ATP9B: variants seen among roughly 807,000 people sequenced by gnomAD.
ATP9B encodes ATPase phospholipid transporting 9B, also known as probable phospholipid-transporting ATPase IIB.
ATP9B carries 110 observed loss-of-function variants against 146.1 expected under a neutral mutation model. That is an observed-to-expected ratio of 0.75 (90% CI 0.65 to 0.88). ATP9B has a LOEUF of 0.88. ATP9B is among the 40% of genes least tolerant of loss of function. ATP9B has a pLI of 0.00. For synonymous variants in ATP9B, 604 were observed against 569.7 expected (o/e 1.06, Z -0.86); for missense variants, 1,499 against 1,496.4 (o/e 1.00, Z -0.03).
In ATP9B at chr18:79,180,545, G is replaced by GT. The variant is rs1006817114; in HGVS notation, c.873+3647dup. Among the ~76,000 whole-genome samples, 36 of 150,820 alleles carry GT rather than the reference G, an allele frequency of 2.4e-4. No homozygotes were observed. In the East Asian group the frequency reaches 4.9e-3, roughly 20 times the overall value. On this transcript the variant is annotated intron_variant, in intron 8 of 29. Coordinates refer to ENST00000426216, the MANE Select transcript of ATP9B (RefSeq NM_198531.5). ...ATTATCAGCTGCACCGTGCATTACTGTTTTTTTTTGTTCAAAGTTGTCAAG... is the reference window on the plus strand; with the variant it reads ...ATTATCAGCTGCACCGTGCATTACTGTTTTTTTTTTGTTCAAAGTTGTCAAG...
rs780684202 is a variant in ATP9B at position 79,337,266 on chromosome 18, CCT to C, written c.2113-10_2113-9del. On this transcript the variant is annotated splice_polypyrimidine_tract_variant and intron_variant, in intron 18 of 29. Transcript: ENST00000426216. ...ACACGTGTGCACACAGGCGCCTCCC[CCT>C]CTGTCCCCAGAGCCGATACACTCAA... 1.2e-6 allele frequency: 2 copies of C among 1,613,428 alleles called. No individual in the cohort carries two copies. The highest frequency in any genetic ancestry group is 1.1e-5 in the South Asian group (1 of 91,062).
intron 19 of ATP9B, among the ~76,000 whole-genome samples, chr18:79,341,955 C>T (rs2096861741): frequency 6.6e-6 from 1 of 152,230 alleles, no homozygotes; most frequent in Non-Finnish European, 1.5e-5. Flanking sequence ...CTAGTTCTTT[C>T]TCTGTGGATT....
rs376686029 is a variant in ATP9B, at chr18:79,377,338, G to A, written c.3399G>A (p.Leu1133=). The A allele has an allele frequency of 5.6e-4, 909 of 1,611,228 alleles. 1 individual carries two copies. The highest frequency in any genetic ancestry group is 7.4e-4 in the Non-Finnish European group (879 of 1,180,032). ...TCCCGCTGTATGTCCTCAAGTACCT[G>A]AGGCGCAAGCTCTCTCCTCCCAGCT... is the stretch of plus-strand genomic sequence containing the variant. ...SCLPLYVLKY[L]RRKLSPPSYC... Residue 1133 remains leucine, a synonymous_variant, in exon 30 of 30, where the codon CTG becomes CTA. Transcript: ENST00000426216.
chr18:79,356,319 C>T (rs772681869), intron 25 of ATP9B, among the ~76,000 whole-genome samples: 1 of 151,630 alleles, frequency 6.6e-6, no homozygotes, highest in Non-Finnish European at 1.5e-5. Flanking sequence ...GCGTTTATAC[C>T]CTCTCACTCG....
intron 26 of ATP9B, among the ~76,000 whole-genome samples, chr18:79,366,890 G>A (rs1255179158): frequency 6.6e-6 from 1 of 152,264 alleles, no homozygotes; most frequent in South Asian, 2.1e-4. Context: ...GGCTGGTGCG[G>A]GAGGCAGGTC....
intron 25 of ATP9B, among the ~76,000 whole-genome samples, chr18:79,349,043 T>A (rs2096907942): frequency 6.6e-6 from 1 of 152,210 alleles, no homozygotes; most frequent in Non-Finnish European, 1.5e-5. Flanking sequence ...ACAGCAGGCA[T>A]GCGACGTGCA....
At chr18:79,345,398 A>G in intron 21 of ATP9B, 30 bp from the exon 22 acceptor site, 1 of 1,609,708 alleles carries the variant, frequency 6.2e-7, no homozygotes, top group Non-Finnish European at 8.5e-7. Flanking sequence ...GTCGACCATA[A>G]GGCAAAATAA....
intron 13 of ATP9B, among the ~76,000 whole-genome samples, chr18:79,294,186 G>C (rs1051775494): frequency 6.6e-6 from 1 of 152,252 alleles, no homozygotes; most frequent in African/African-American, 2.4e-5. Context: ...GAAAACATCT[G>C]TTGTCCATGT....
chr18:79,345,982 A>C, intron 23 of ATP9B, 143 bp downstream of exon 23: 1 of 894,366 alleles, frequency 1.1e-6, no homozygotes, highest in East Asian at 2.4e-5. Context: ...GTCAGCAAAC[A>C]CTCAGCACAT....
intron 25 of ATP9B, chr18:79,354,207 CG>C (rs1231306536): frequency 6.6e-6 from 1 of 152,106 alleles, no homozygotes; most frequent in Non-Finnish European, 1.5e-5. Flanking sequence ...TTCTCTGCCA[CG>C]GGGTAACTTT....
intron 13 of ATP9B, 33 bp downstream of exon 13, chr18:79,277,229 G>A (rs1286448309): frequency 1.2e-6 from 2 of 1,609,596 alleles, no homozygotes; most frequent in Non-Finnish European, 1.7e-6. Context: ...ACCTTTGAAT[G>A]GACAAAATGA....
Position 79,294,439 on chromosome 18 carries a change from G to T in ATP9B, c.1412-9165G>T, listed in dbSNP as rs1000472749. Among the ~76,000 whole-genome samples, 3 of 152,226 alleles carry T rather than the reference G, an allele frequency of 2.0e-5. No individual in the cohort carries two copies. The East Asian group carries it at 5.8e-4, about 29-fold the overall frequency. On this transcript the variant is annotated intron_variant, in intron 13 of 29. Transcript: ENST00000426216. ...CTTGCCTCGCCAGCCTTGCCCAGCCGTGGCTCACAGGAAACACAGGGCCCA... is the reference window on the plus strand; with the variant it reads ...CTTGCCTCGCCAGCCTTGCCCAGCCTTGGCTCACAGGAAACACAGGGCCCA...
At chr18:79,145,360 G>A (rs1283008808) in intron 6 of ATP9B, 4 of 113,424 alleles carry the variant, frequency 3.5e-5, no homozygotes, top group East Asian at 3.1e-4. Flanking sequence ...GCTGCATGTC[G>A]GGGGAGCTGG....
intron 5 of ATP9B, among the ~76,000 whole-genome samples, chr18:79,141,288 A>G (rs1417153562): frequency 1.3e-5 from 2 of 152,176 alleles, no homozygotes; most frequent in African/African-American, 4.8e-5. Context: ...TATTGATTGT[A>G]AGTTTTCCAA....
chr18:79,310,617 C>T (rs181992973), intron 15 of ATP9B, among the ~76,000 whole-genome samples: 4 of 152,178 alleles, frequency 2.6e-5, no homozygotes, highest in South Asian at 2.1e-4. Context: ...TGGCTGTGAC[C>T]GTGTCCTGAC....
At position 79,113,145 on chromosome 18, in the gene ATP9B, A is replaced by T. The variant is rs377726699; in HGVS notation, c.445-96A>T. 4.8e-4 allele frequency: 302 copies of T among 625,362 alleles called. 8 individuals are homozygous for T. The South Asian group carries it at 6.3e-3, about 13-fold the overall frequency. 38.7% of individuals were successfully genotyped at this position (625,362 alleles called of 1,614,324 possible). The stretch of plus-strand genomic sequence containing the variant: ...AACATATTCTCACTGTTTGATGGAA[A>T]TGTGGTTATATGTTGTGCAGATTTT... On this transcript the variant is annotated intron_variant, in intron 3 of 29. Transcript: ENST00000426216.
chr18:79,328,654 A>G (rs1014518536), intron 15 of ATP9B, among the ~76,000 whole-genome samples: 1 of 152,218 alleles, frequency 6.6e-6, no homozygotes, highest in Non-Finnish European at 1.5e-5. Context: ...TATTACATGT[A>G]GACACATTAA....
intron 11 of ATP9B, among the ~76,000 whole-genome samples, chr18:79,251,703 T>G (rs1167244692): frequency 6.6e-6 from 1 of 152,230 alleles, no homozygotes; most frequent in East Asian, 1.9e-4. Flanking sequence ...AAACTAAATA[T>G]ATGAGTTGTG....
intron 5 of ATP9B, among the ~76,000 whole-genome samples, chr18:79,134,467 A>G (rs1345761867): frequency 6.6e-6 from 1 of 152,142 alleles, no homozygotes; most frequent in African/African-American, 2.4e-5. Context: ...CAGAGTAAGT[A>G]GAGTCATTGG....
Sources: gnomAD v4.1 joint callset for allele counts (sites outside exome capture counted in the v4.1 genomes callset) on GRCh38, gnomAD v4.1.1 for gene constraint, MANE v1.5 for transcripts, NCBI Gene and HGNC (gene_info 2026-07-23, HGNC 2026-07-21) for gene names.